Variants in OSBPL10 observed in about 807,000 individuals in gnomAD.
OSBPL10 encodes the protein oxysterol-binding protein-related protein 10.
In OSBPL10, 49 loss-of-function variants were observed where a neutral mutation model predicts 81.7. The ratio of observed to expected loss-of-function variants is 0.60; its 90% confidence interval spans 0.48 to 0.76. The LOEUF is 0.76. Ranked by LOEUF, OSBPL10 falls within the 30% of genes least tolerant of loss-of-function variation. The probability of loss-of-function intolerance (pLI) is 0.00; values close to 1 mark genes in which losing one functional copy is unlikely to be tolerated. For missense variants in OSBPL10, 923 were observed against 987.8 expected, an observed-to-expected ratio of 0.93 and a Z score of 0.88; for synonymous variants, 419 against 383.6, an observed-to-expected ratio of 1.09 and a Z score of -1.08.
exon 1 of OSBPL10, chr3:32,077,461 C>T (rs1430364062): frequency 1.3e-5 from 2 of 152,280 alleles, no homozygotes; most frequent in Non-Finnish European, 2.9e-5. Context: ...TGGTCCACAC[C>T]TGTTGCAGTA....
rs554919224 is a variant in OSBPL10, at chr3:31,758,873, T to C, written c.730-10753A>G. ...AAATCCTGTCTTATTCTTCCCACCC[T>C]TGAAGTGCCTGTTTCTGGCTTCTGG... On this transcript the variant is annotated intron_variant, in intron 4 of 11. Transcript: ENST00000396556. 5.3e-5 allele frequency among the ~76,000 whole-genome samples: 8 copies of C among 152,320 alleles called. No individual in the cohort carries two copies. The South Asian group carries it at 1.5e-3, about 28-fold the overall frequency.
chr3:31,699,270 G>A (rs1387193223), intron 7 of OSBPL10, among the ~76,000 whole-genome samples: 1 of 152,116 alleles, frequency 6.6e-6, no homozygotes, highest in Non-Finnish European at 1.5e-5. Context: ...GATCAAGTTT[G>A]TCCCCTTCAC....
At chr3:31,767,582 G>A (rs1318425) in intron 4 of OSBPL10, among the ~76,000 whole-genome samples, 6 of 89,046 alleles carry the variant, frequency 6.7e-5, no homozygotes, top group Non-Finnish European at 1.3e-4. Flanking sequence ...AGAAGTCCCC[G>A]TGCCCCAAGT....
At chr3:31,725,377 G>A (rs1559435115) in intron 6 of OSBPL10, among the ~76,000 whole-genome samples, 1 of 152,054 alleles carries the variant, frequency 6.6e-6, no homozygotes, top group Non-Finnish European at 1.5e-5. Flanking sequence ...TTTGCCTAAA[G>A]GATGAACTAC....
chr3:31,792,839 ACT>A (rs1201916766), intron 4 of OSBPL10, among the ~76,000 whole-genome samples: 2 of 92,256 alleles, frequency 2.2e-5, no homozygotes, highest in African/African-American at 8.5e-5. Context: ...TGCGTTTTGC[ACT>A]CTCAGCTATC....
intron 8 of OSBPL10, among the ~76,000 whole-genome samples, chr3:31,682,071 G>A (rs1700663998): frequency 6.6e-6 from 1 of 152,090 alleles, no homozygotes; most frequent in Non-Finnish European, 1.5e-5. Flanking sequence ...AGATCCTCTT[G>A]GCTCTAACTT....
intron 3 of OSBPL10, among the ~76,000 whole-genome samples, chr3:31,853,913 C>T (rs72850557): frequency 1.3e-5 from 2 of 152,124 alleles, no homozygotes; most frequent in South Asian, 2.1e-4. Context: ...TTATTTATAA[C>T]GTTTCAGGGT....
chr3:32,059,326 C>T (rs539806951), intron 1 of OSBPL10, among the ~76,000 whole-genome samples: 14 of 148,856 alleles, frequency 9.4e-5, no homozygotes, highest in Middle Eastern at 7.6e-3. Flanking sequence ...CAGTGGCTCA[C>T]GCCTGTAATC....
intron 4 of OSBPL10, among the ~76,000 whole-genome samples, chr3:31,761,816 A>AAAAAAAAAAAAAAAAAAAAAAAAAAAC: frequency 7.2e-6 from 1 of 139,544 alleles, no homozygotes; most frequent in African/African-American, 3.0e-5. Context: ...CTGTCTCTAA[A>AAAAAAAAAAAAAAAAAAAAAAAAAAAC]AAAAAAAAAA....
At position 31,740,857 on chromosome 3, in the gene OSBPL10, T is replaced by TTATATATATATATATATATA. The variant is rs145097507; in HGVS notation, c.940+7052_940+7053insTATATATATATATATATATA. On this transcript the variant is annotated intron_variant, in intron 5 of 11. Coordinates refer to ENST00000396556, the MANE Select transcript of OSBPL10 (RefSeq NM_017784.5). ...AACTTAATATGACCACTACTAGAAT[T>TTATATATATATATATATATA]TATATATATATGTCATATTTCTTCC... 9.2e-3 allele frequency among the ~76,000 whole-genome samples: 1,252 copies of TTATATATATATATATATATA among 136,368 alleles called. 29 individuals carry two copies. Among genetic ancestry groups the TTATATATATATATATATATA allele is most frequent in the African/African-American group, 0.017 (521 of 29,786 alleles). The allele number at this position is 136,368 out of a possible 152,430, so 89.5% of individuals were successfully genotyped here. A position where few individuals can be genotyped will look rare whatever the true frequency, so the allele number is the denominator to read the frequency against.
chr3:31,737,807 C>A (rs1313550605), intron 5 of OSBPL10, among the ~76,000 whole-genome samples: 2 of 151,976 alleles, frequency 1.3e-5, no homozygotes, highest in African/African-American at 4.8e-5. Flanking sequence ...GCCTAGCTAA[C>A]ATGAGGAAAC....
intron 2 of OSBPL10, among the ~76,000 whole-genome samples, chr3:31,998,786 T>C (rs1699116628): frequency 6.6e-6 from 1 of 152,240 alleles, no homozygotes; most frequent in African/African-American, 2.4e-5. Flanking sequence ...TTGGTTTTTC[T>C]GTCCCTACTG....
At chr3:32,035,562 C>CAAAAAAAAAAAAAAAAAAAAAAAA in intron 2 of OSBPL10, among the ~76,000 whole-genome samples, 1 of 91,062 alleles carries the variant, frequency 1.1e-5, no homozygotes, top group Non-Finnish European at 2.0e-5. Flanking sequence ...AACTCTGTCT[C>CAAAAAAAAAAAAAAAAAAAAAAAA]AAAAAAAAAA....
At chr3:31,746,449 C>A (rs1200233830) in intron 5 of OSBPL10, among the ~76,000 whole-genome samples, 1 of 152,080 alleles carries the variant, frequency 6.6e-6, no homozygotes, top group Admixed American at 6.5e-5. Flanking sequence ...GAGGCTGAGG[C>A]GGGAGGATCA....
intron 1 of OSBPL10, among the ~76,000 whole-genome samples, chr3:31,893,714 G>A (rs567469936): frequency 6.6e-6 from 1 of 151,928 alleles, no homozygotes; most frequent in African/African-American, 2.4e-5. Context: ...CAACATGGAT[G>A]AACCTCAAAA....
intron 6 of OSBPL10, chr3:31,708,663 G>C: frequency 1.1e-6 from 1 of 919,628 alleles, no homozygotes; most frequent in African/African-American, 1.8e-5. Context: ...AGGACACAGA[G>C]ATAGAAAGTT....
intron 4 of OSBPL10, among the ~76,000 whole-genome samples, chr3:31,769,852 G>A (rs1414171462): frequency 6.6e-6 from 1 of 151,370 alleles, no homozygotes. Context: ...ACAGATAACT[G>A]CTTGATTGTA....
chr3:31,990,106 A>C (rs749829939), intron 2 of OSBPL10: 3 of 1,611,706 alleles, frequency 1.9e-6, no homozygotes, highest in Non-Finnish European at 2.5e-6. Context: ...GAAACCATAC[A>C]AATGTAAGGT....
chr3:31,672,564 C>G (rs73826844), intron 8 of OSBPL10, among the ~76,000 whole-genome samples: 7,515 of 152,034 alleles, frequency 0.049, 631 homozygotes, highest in African/African-American at 0.17. Flanking sequence ...TTTCTAAAGT[C>G]AATACTAAGA....
Sources: gnomAD v4.1 joint callset for allele counts (sites outside exome capture counted in the v4.1 genomes callset) on GRCh38, gnomAD v4.1.1 for gene constraint, MANE v1.5 for transcripts, NCBI Gene and HGNC (gene_info 2026-07-23, HGNC 2026-07-21) for gene names.